The following RBFOX1 variants were observed in gnomAD, a reference collection of about 807,000 sequenced individuals.
RBFOX1 encodes the protein RNA binding protein fox-1 homolog 1.
A neutral mutation model predicts 57.7 loss-of-function variants in RBFOX1; 8 were observed. The ratio of observed to expected loss-of-function variants is 0.14; its 90% CI spans 0.08 to 0.25. The LOEUF is 0.25. Among genes scored for constraint, RBFOX1 ranks in the 10% least tolerant of loss-of-function variants. The pLI is 1.00. For synonymous variants in RBFOX1, 326 were observed against 222.4 expected, an observed-to-expected ratio of 1.47 and a Z score of -4.15; for missense variants, 611 against 548.5, an observed-to-expected ratio of 1.11 and a Z score of -1.14.
chr16:7,504,785 ATT>A lies in RBFOX1; in HGVS notation c.28-13360_28-13359del, dbSNP rs755828336. Among the ~76,000 whole-genome samples the A allele has an allele frequency of 9.7e-3, 178 of 18,270 alleles. 21 individuals carry two copies. Among genetic ancestry groups the A allele is most frequent in the African/African-American group, 0.041 (169 of 4,114 alleles). The allele number at this position is 18,270 out of a possible 152,430, so 12.0% of individuals were successfully genotyped here. ...TATATATATATTTATATATATATAT[ATT>A]TATATATATATATATTTATATATAT... On this transcript the variant is annotated intron_variant, in intron 4 of 15. Coordinates refer to ENST00000550418, the MANE Select transcript of RBFOX1 (RefSeq NM_018723.4).
chr16:7,448,763 A>G (rs1180284059), intron 4 of RBFOX1, among the ~76,000 whole-genome samples: 1 of 151,862 alleles, frequency 6.6e-6, no homozygotes, highest in Non-Finnish European at 1.5e-5. Context: ...TCACACATAC[A>G]TTTTCCTTCT....
At chr16:5,697,532 A>ATTTTTTTTTTTTTTTTTTTTTTTTTTTAT (rs374138178) in intron 3 of RBFOX1, among the ~76,000 whole-genome samples, 1 of 133,966 alleles carries the variant, frequency 7.5e-6, no homozygotes. Context: ...TTTCTTTTCT[A>ATTTTTTTTTTTTTTTTTTTTTTTTTTTAT]TTCTTTTTTT....
intron 2 of RBFOX1, among the ~76,000 whole-genome samples, chr16:6,513,181 T>G (rs967166339): frequency 1.3e-4 from 20 of 152,176 alleles, no homozygotes; most frequent in African/African-American, 4.8e-4. Flanking sequence ...ATCTGTAAAC[T>G]CATGAGAGTA....
At chr16:5,764,184 A>G (rs576216302) in intron 3 of RBFOX1, among the ~76,000 whole-genome samples, 49 of 152,096 alleles carry the variant, frequency 3.2e-4, no homozygotes, top group African/African-American at 1.1e-3. Context: ...GGCTACTACA[A>G]CTCTCCAGCT....
At chr16:5,358,183 A>G (rs2065445778) in intron 1 of RBFOX1, among the ~76,000 whole-genome samples, 2 of 151,900 alleles carry the variant, frequency 1.3e-5, no homozygotes, top group South Asian at 4.2e-4. Context: ...TGGGTTATAG[A>G]TGCATCACCC....
intron 3 of RBFOX1, among the ~76,000 whole-genome samples, chr16:6,840,779 C>G (rs1287620866): frequency 6.7e-6 from 1 of 150,310 alleles, no homozygotes; most frequent in South Asian, 2.1e-4. Context: ...CCCAGCTACT[C>G]GGGAGGCTGA....
At chr16:6,478,429 A>ATATATTTTTTTT (rs1159954387) in intron 2 of RBFOX1, among the ~76,000 whole-genome samples, 6 of 24,608 alleles carry the variant, frequency 2.4e-4, no homozygotes, top group Admixed American at 6.1e-4. Context: ...ATATATATAT[A>ATATATTTTTTTT]TTTTTTTTTT....
At chr16:6,337,417 G>C (rs991847245) in intron 2 of RBFOX1, among the ~76,000 whole-genome samples, 1 of 152,164 alleles carries the variant, frequency 6.6e-6, no homozygotes. Context: ...ACCCAAACCA[G>C]AACAAACCTC....
intron 3 of RBFOX1, among the ~76,000 whole-genome samples, chr16:6,837,438 A>C (rs1430270133): frequency 2.0e-5 from 3 of 152,224 alleles, no homozygotes; most frequent in Non-Finnish European, 2.9e-5. Flanking sequence ...GCCTCACCCA[A>C]CAGCAAGAGT....
intron 3 of RBFOX1, among the ~76,000 whole-genome samples, chr16:5,761,999 C>T (rs1033572284): frequency 3.9e-5 from 6 of 152,080 alleles, no homozygotes; most frequent in African/African-American, 1.2e-4. Context: ...TTGTCACCTG[C>T]GCCTCCTTGG....
At chr16:5,298,195 T>G (rs2063714829) in intron 1 of RBFOX1, among the ~76,000 whole-genome samples, 1 of 152,210 alleles carries the variant, frequency 6.6e-6, no homozygotes, top group Non-Finnish European at 1.5e-5. Context: ...GTTTGGATTT[T>G]TATGTGAAAT....
chr16:6,585,460 C>T (rs1379415352), intron 2 of RBFOX1, among the ~76,000 whole-genome samples: 1 of 152,146 alleles, frequency 6.6e-6, no homozygotes, highest in South Asian at 2.1e-4. Flanking sequence ...TGAATAGAAC[C>T]TTAGATCCCC....
rs112852091 is a variant in RBFOX1, at chr16:7,542,626, G to A, written c.270+24237G>A. On this transcript the variant is annotated intron_variant, in intron 5 of 15. Transcript: ENST00000550418. The stretch of plus-strand genomic sequence containing the variant: ...TCCCAGCACTTTGGGAGGCCAAGGC[G>A]GGTGGATCACTTGAAGCCAGGAGTT... Among the ~76,000 whole-genome samples, 313 of 151,166 alleles carry A rather than the reference G, an allele frequency of 2.1e-3. 3 individuals carry two copies. Among genetic ancestry groups the A allele is most frequent in the South Asian group, 0.01 (48 of 4,742 alleles).
chr16:7,171,825 A>G (rs1269568616), intron 4 of RBFOX1, among the ~76,000 whole-genome samples: 7 of 152,184 alleles, frequency 4.6e-5, no homozygotes, highest in African/African-American at 1.2e-4. Context: ...TTTTTTAGCT[A>G]TAAAATTTTG....
intron 4 of RBFOX1, among the ~76,000 whole-genome samples, chr16:7,405,936 C>T (rs887220763): frequency 2.0e-4 from 30 of 152,094 alleles, no homozygotes; most frequent in Admixed American, 3.3e-4. Context: ...TTAGTTGTCA[C>T]GACTGGGCAG....
At chr16:5,270,506 TC>T in intron 1 of RBFOX1, 1 of 669,744 alleles carries the variant, frequency 1.5e-6, no homozygotes. Flanking sequence ...CAAAATATGT[TC>T]CATGGTTGAA....
At chr16:6,601,716 C>A (rs1338097467) in intron 2 of RBFOX1, among the ~76,000 whole-genome samples, 10 of 152,092 alleles carry the variant, frequency 6.6e-5, no homozygotes, top group East Asian at 1.9e-4. Flanking sequence ...TTAAGTCATT[C>A]TCCCGGGTAT....
intron 1 of RBFOX1, among the ~76,000 whole-genome samples, chr16:6,068,605 C>A (rs1472097795): frequency 6.6e-6 from 1 of 152,076 alleles, no homozygotes; most frequent in African/African-American, 2.4e-5. Flanking sequence ...TAGCAGGAGA[C>A]AAGATAAGGA....
chr16:7,477,798 A>T (rs535798148), intron 4 of RBFOX1, among the ~76,000 whole-genome samples: 3 of 152,148 alleles, frequency 2.0e-5, no homozygotes, highest in Non-Finnish European at 2.9e-5. Flanking sequence ...GCTGGGGGGA[A>T]GGTAGGTGGA....
Sources: gnomAD v4.1 joint callset for allele counts (sites outside exome capture counted in the v4.1 genomes callset) on GRCh38, gnomAD v4.1.1 for gene constraint, MANE v1.5 for transcripts, NCBI Gene and HGNC (gene_info 2026-07-23, HGNC 2026-07-21) for gene names.